Variants in MUC13 observed in about 807,000 individuals in gnomAD.
MUC13 encodes the protein mucin 13, cell surface associated.
Under a neutral mutation model 48.3 loss-of-function variants are expected in MUC13, and 32 were observed. The observed-to-expected ratio is 0.66, with a 90% CI of 0.50 to 0.89. The LOEUF is 0.89. Among genes scored for constraint, MUC13 ranks in the 40% least tolerant of loss-of-function variants. MUC13 has a pLI of 0.00. For synonymous variants in MUC13, 199 were observed against 224.9 expected (o/e 0.88, Z 1.03); for missense variants, 571 against 622.8 (o/e 0.92, Z 0.88).
intron 5 of MUC13, among the ~76,000 whole-genome samples, chr3:124,919,821 T>C (rs1455058670): frequency 6.6e-6 from 1 of 152,164 alleles, no homozygotes; most frequent in Non-Finnish European, 1.5e-5. Context: ...TGGGTGTTCT[T>C]GTCCCCCTCA....
intron 1 of MUC13, among the ~76,000 whole-genome samples, chr3:124,934,439 C>T (rs1303397526): frequency 7.2e-5 from 11 of 152,178 alleles, no homozygotes; most frequent in Admixed American, 5.9e-4. Context: ...AGATTACAGG[C>T]GTGAGCCACC....
intron 3 of MUC13, among the ~76,000 whole-genome samples, chr3:124,922,591 C>CTTTTT (rs1242125220): frequency 2.5e-4 from 21 of 85,430 alleles, no homozygotes; most frequent in East Asian, 9.9e-4. Flanking sequence ...GTTGCCTAGT[C>CTTTTT]TTTTTTTTTT....
chr3:124,908,104 T>C (rs765142385), intron 11 of MUC13, 43 bp downstream of exon 11: 1 of 1,600,052 alleles, frequency 6.2e-7, no homozygotes, highest in Admixed American at 1.7e-5. Flanking sequence ...TCTGCCCTGG[T>C]GCATTCACTC....
intron 5 of MUC13, among the ~76,000 whole-genome samples, chr3:124,918,633 G>A (rs547208699): frequency 1.0e-3 from 152 of 152,314 alleles, no homozygotes; most frequent in African/African-American, 3.4e-3. Flanking sequence ...AGTGACAAAG[G>A]TTCCGAGAGG....
chr3:124,914,235 C>T (rs1935472799), intron 6 of MUC13, among the ~76,000 whole-genome samples: 1 of 151,710 alleles, frequency 6.6e-6, no homozygotes, highest in African/African-American at 2.4e-5. Flanking sequence ...CATGGTGAAA[C>T]CCCATCTCTG....
chr3:124,922,375 A>AGAT, intron 3 of MUC13, 72 bp from the exon 4 acceptor site: 1 of 1,526,734 alleles, frequency 6.5e-7, no homozygotes, highest in Non-Finnish European at 8.8e-7. Flanking sequence ...TTTAAAACAT[A>AGAT]GATTATTTTT....
At chr3:124,914,150 G>A (rs1579363588) in intron 6 of MUC13, among the ~76,000 whole-genome samples, 2 of 152,148 alleles carry the variant, frequency 1.3e-5, no homozygotes, top group African/African-American at 2.4e-5. Context: ...GGTGGCTCAC[G>A]TCTGTAATCT....
At chr3:124,920,376 G>A in intron 4 of MUC13, 87 bp from the exon 5 acceptor site, 1 of 1,011,244 alleles carries the variant, frequency 9.9e-7, no homozygotes, top group Non-Finnish European at 1.5e-6. Context: ...AAAAAATAAT[G>A]CTCTATCTAG....
At chr3:124,922,897 T>G (rs1260696310) in intron 3 of MUC13, among the ~76,000 whole-genome samples, 1 of 152,098 alleles carries the variant, frequency 6.6e-6, no homozygotes, top group Non-Finnish European at 1.5e-5. Flanking sequence ...AAAGTTGCAA[T>G]GAACATCTTC....
At position 124,920,252 on chromosome 3, in the gene MUC13, G is replaced by A. The variant is rs1283776279; in HGVS notation, c.782C>T (p.Thr261Ile). 2 of 1,607,006 alleles carry A rather than the reference G, an allele frequency of 1.2e-6. No homozygotes were observed. The highest frequency in any genetic ancestry group is 4.5e-5 in the East Asian group (2 of 44,818). The change falls in exon 5 of 12, where the codon ACT becomes ATT. Residue 261 changes from threonine to isoleucine, a missense_variant. Physicochemically the swap from Thr to Ile is moderately conservative, Grantham distance 89. Transcript: ENST00000616727. ...DVFGTSVYGQ[T>I]VILTVSTSLS... ...AACTTACCTTACAGTAAGAATTACA[G>A]TCTGTCCATAAACAGATGTGCCAAA...
At chr3:124,909,701 A>G (rs1473916200) in intron 10 of MUC13, among the ~76,000 whole-genome samples, 1 of 152,154 alleles carries the variant, frequency 6.6e-6, no homozygotes, top group African/African-American at 2.4e-5. Context: ...AAGTTAAAAA[A>G]AAACAACAAC....
rs1391657972 is a variant in MUC13, at chr3:124,906,322, T to C, written c.*421A>G. On this transcript the variant is annotated 3_prime_UTR_variant, in exon 12 of 12. Transcript: ENST00000616727. ...CTCGGACCTCCACAGTTGATGCGTA[T>C]GTCTCCCAGGGGAATTAGGTCACTT... The C allele has an allele frequency of 6.6e-6, 1 of 152,634 alleles. No homozygotes were observed. The highest frequency in any genetic ancestry group is 1.5e-5 in the Non-Finnish European group (1 of 68,050). 9.5% of individuals were successfully genotyped at this position (152,634 alleles called of 1,614,324 possible). A position where few individuals can be genotyped will look rare whatever the true frequency, so the allele number is the denominator to read the frequency against.
chr3:124,908,327 A>G lies in MUC13; in HGVS notation c.1359T>C (p.His453=), dbSNP rs1051151293. Reference sequence around the variant, plus strand: ...CGTCAATCAAGTTCTCTTCTTCAATATGCTTCGTTTTGTTATTTGATCTGT... The same window carrying G: ...CGTCAATCAAGTTCTCTTCTTCAATGTGCTTCGTTTTGTTATTTGATCTGT... The part of the protein sequence containing the change: ...VTARSNNKTK[H]IEEENLIDED... The change falls in exon 11 of 12, where the codon CAT becomes CAC. Residue 453 remains histidine (H), a synonymous_variant. Coordinates refer to ENST00000616727, the MANE Select transcript of MUC13 (RefSeq NM_033049.4). 4.3e-6 allele frequency: 7 copies of G among 1,614,014 alleles called. No individual in the cohort carries two copies. Among genetic ancestry groups the G allele is most frequent in the Admixed American group, 1.7e-5 (1 of 60,010 alleles).
chr3:124,926,637 C>T (rs951117651), intron 2 of MUC13, among the ~76,000 whole-genome samples: 4 of 152,188 alleles, frequency 2.6e-5, no homozygotes, highest in African/African-American at 9.7e-5. Flanking sequence ...ATGGCCCTCA[C>T]TGGGTCCCAG....
Position 124,922,178 on chromosome 3 carries a change from A to G in MUC13, c.744+19T>C, listed in dbSNP as rs778285428. The G allele has an allele frequency of 1.9e-6, 3 of 1,613,452 alleles. No individual in the cohort carries two copies. The African/African-American group carries it at 4.0e-5, about 22-fold the overall frequency. On this transcript the variant is annotated intron_variant, in intron 4 of 11. Coordinates refer to ENST00000616727, the MANE Select transcript of MUC13 (RefSeq NM_033049.4). ...GAACAAAGAATGCTTTACAGAAAGG[A>G]AAGTTGGAAAATACTTACCAAGCTA...
chr3:124,924,906 A>C (rs942026831), intron 2 of MUC13, among the ~76,000 whole-genome samples: 1 of 152,210 alleles, frequency 6.6e-6, no homozygotes. Context: ...AGCCACTTTG[A>C]GAGGAAAGTT....
In MUC13 at chr3:124,922,211, C is replaced by A; in HGVS notation, c.730G>T (p.Glu244Ter). Reference sequence around the variant, plus strand: ...AAAATACTTACCAAGCTAGTAATTTCACTATGCAAGTCTTGATAGGCCATG... The same window carrying A: ...AAAATACTTACCAAGCTAGTAATTTAACTATGCAAGTCTTGATAGGCCATG... Reference protein sequence around the residue: ...HSMAYQDLHSEITSLFKDVFG... With the variant: ...HSMAYQDLHS Residue 244 changes from glutamate (E) to a stop codon, truncating the protein, a stop_gained, in exon 4 of 12, where the codon GAA (glutamate) becomes TAA (stop). Transcript: ENST00000616727. LOFTEE classifies it high-confidence loss of function. The A allele has an allele frequency of 6.2e-7, 1 of 1,613,902 alleles. No homozygotes were observed. The highest frequency in any genetic ancestry group is 8.5e-7 in the Non-Finnish European group (1 of 1,179,954).
Position 124,906,439 on chromosome 3 carries a change from A to G in MUC13, c.*304T>C, listed in dbSNP as rs1334546385. On this transcript the variant is annotated 3_prime_UTR_variant, in exon 12 of 12. Transcript: ENST00000616727. Reference sequence around the variant, plus strand: ...TTCTTGTTGCCCTACCAGGAAAAGAATTAAGAAAACAACCCTAACCATTGT... The same window carrying G: ...TTCTTGTTGCCCTACCAGGAAAAGAGTTAAGAAAACAACCCTAACCATTGT... The G allele has an allele frequency of 6.6e-6, 1 of 152,258 alleles. No individual in the cohort carries two copies. Among genetic ancestry groups the G allele is most frequent in the Non-Finnish European group, 1.5e-5 (1 of 68,036 alleles). The allele number at this position is 152,258 out of a possible 1,614,324, so 9.4% of individuals were successfully genotyped here.
intron 9 of MUC13, 56 bp from the exon 10 acceptor site, chr3:124,910,555 A>G (rs1935403631): frequency 3.1e-6 from 5 of 1,606,186 alleles, no homozygotes; most frequent in Non-Finnish European, 4.3e-6. Context: ...CCAACTGTCT[A>G]CTGCACAGGT....
Sources: gnomAD v4.1 joint callset for allele counts (sites outside exome capture counted in the v4.1 genomes callset) on GRCh38, gnomAD v4.1.1 for gene constraint, MANE v1.5 for transcripts, NCBI Gene and HGNC (gene_info 2026-07-23, HGNC 2026-07-21) for gene names.